The following LRMDA variants were observed in gnomAD, a reference collection of about 807,000 sequenced individuals.
LRMDA encodes leucine-rich melanocyte differentiation-associated protein.
A neutral mutation model predicts 29.8 loss-of-function variants in LRMDA; 18 were observed. That is an observed-to-expected ratio of 0.60 (90% CI 0.42 to 0.90). The LOEUF (loss-of-function observed/expected upper bound fraction) is 0.90. Among genes scored for constraint, LRMDA ranks in the 40% least tolerant of loss-of-function variants. LRMDA has a pLI of 0.00. For synonymous variants in LRMDA, 125 were observed against 109.4 expected (o/e 1.14, Z -0.89); for missense variants, 273 against 273.9 (o/e 1.00, Z 0.02).
At chr10:76,254,281 T>TTACTA (rs756599704) in intron 5 of LRMDA, among the ~76,000 whole-genome samples, 1,340 of 115,554 alleles carry the variant, frequency 0.012, 38 homozygotes, top group African/African-American at 0.039. Context: ...TCTGTGGAAA[T>TTACTA]TACTATACTA....
chr10:76,192,561 T>C (rs1589370485), intron 5 of LRMDA, among the ~76,000 whole-genome samples: 1 of 152,320 alleles, frequency 6.6e-6, no homozygotes, highest in East Asian at 1.9e-4. Flanking sequence ...CCTGAATATC[T>C]CAGAAAATGA....
intron 6 of LRMDA, among the ~76,000 whole-genome samples, chr10:76,361,731 T>C (rs1425770164): frequency 2.6e-5 from 4 of 152,148 alleles, no homozygotes; most frequent in Non-Finnish European, 5.9e-5. Context: ...ATGAGGGAGA[T>C]GAAGAGATAT....
chr10:75,644,521 C>T (rs1362396110), intron 2 of LRMDA, among the ~76,000 whole-genome samples: 2 of 152,174 alleles, frequency 1.3e-5, no homozygotes, highest in African/African-American at 2.4e-5. Context: ...TCTTTGCCAG[C>T]ATGGTGTACC....
intron 4 of LRMDA, among the ~76,000 whole-genome samples, chr10:76,052,384 T>A (rs1252970595): frequency 6.6e-6 from 1 of 152,148 alleles, no homozygotes; most frequent in Admixed American, 6.5e-5. Context: ...TGGAGGCCCA[T>A]CTGAGCTTTT....
At chr10:75,998,852 G>T (rs1847515798) in intron 2 of LRMDA, among the ~76,000 whole-genome samples, 1 of 152,192 alleles carries the variant, frequency 6.6e-6, no homozygotes, top group African/African-American at 2.4e-5. Context: ...ATGTATTGCA[G>T]AGCAGGCATG....
rs1388047072 is a variant in LRMDA, at chr10:76,558,750, C to T, written c.*1462C>T. ...GCTGCCCAAGGAGAACCTACTTTCT[C>T]AGCTCTAGCCCGTTTACATAGCCTC... On this transcript the variant is annotated 3_prime_UTR_variant, in exon 7 of 7. Coordinates refer to ENST00000611255, the MANE Select transcript of LRMDA (RefSeq NM_001305581.2). 6.6e-6 allele frequency: 1 copy of T among 152,196 alleles called. No individual in the cohort carries two copies. Among genetic ancestry groups the T allele is most frequent in the Admixed American group, 6.5e-5 (1 of 15,284 alleles). The allele number at this position is 152,196 out of a possible 1,614,324, so 9.4% of individuals were successfully genotyped here. A position where few individuals can be genotyped will look rare whatever the true frequency, so the allele number is the denominator to read the frequency against.
intron 2 of LRMDA, among the ~76,000 whole-genome samples, chr10:75,481,597 C>A (rs1413270781): frequency 1.3e-5 from 2 of 152,214 alleles, no homozygotes; most frequent in African/African-American, 4.8e-5. Context: ...GCAGTAACCT[C>A]TTAAGAGGTC....
At chr10:76,359,459 T>A (rs1841283211) in intron 6 of LRMDA, among the ~76,000 whole-genome samples, 1 of 152,136 alleles carries the variant, frequency 6.6e-6, no homozygotes, top group Admixed American at 6.6e-5. Context: ...AGCTAGTTGG[T>A]AGAGTGGATA....
chr10:75,648,321 C>T (rs1330161753), intron 2 of LRMDA, among the ~76,000 whole-genome samples: 1 of 151,940 alleles, frequency 6.6e-6, no homozygotes, highest in Non-Finnish European at 1.5e-5. Flanking sequence ...GCCACACTGC[C>T]TCTTGCTAGC....
At chr10:75,851,824 T>C (rs1844737425) in intron 2 of LRMDA, among the ~76,000 whole-genome samples, 1 of 152,240 alleles carries the variant, frequency 6.6e-6, no homozygotes, top group African/African-American at 2.4e-5. Context: ...GAAAGGCCCT[T>C]CACTTAGAAA....
intron 2 of LRMDA, among the ~76,000 whole-genome samples, chr10:75,975,179 G>T (rs1257715938): frequency 1.3e-5 from 2 of 152,232 alleles, no homozygotes; most frequent in Non-Finnish European, 2.9e-5. Flanking sequence ...TAGACACTGA[G>T]GACTGGAGAA....
chr10:76,275,637 T>C (rs1053575707), intron 5 of LRMDA, among the ~76,000 whole-genome samples: 1 of 152,156 alleles, frequency 6.6e-6, no homozygotes, highest in Non-Finnish European at 1.5e-5. Flanking sequence ...TTCTGAACCA[T>C]ATTGCTTTGG....
At chr10:76,230,687 AAT>A (rs1852043202) in intron 5 of LRMDA, among the ~76,000 whole-genome samples, 1 of 152,124 alleles carries the variant, frequency 6.6e-6, no homozygotes, top group African/African-American at 2.4e-5. Context: ...CAATACTTTT[AAT>A]ATAATTAAAA....
rs1410830869 is a variant in LRMDA at position 76,557,331 on chromosome 10, T to G, written c.*43T>G. 1.4e-6 allele frequency: 2 copies of G among 1,468,186 alleles called. No homozygotes were observed. The highest frequency in any genetic ancestry group is 1.9e-6 in the Non-Finnish European group (2 of 1,053,588). The allele number at this position is 1,468,186 out of a possible 1,614,324, so 90.9% of individuals were successfully genotyped here. On this transcript the variant is annotated 3_prime_UTR_variant, in exon 7 of 7. Coordinates refer to ENST00000611255, the MANE Select transcript of LRMDA (RefSeq NM_001305581.2). ...CTTCACCCATTTCATGAAAATAAAA[T>G]CAAAAGGGAAATCAAAAATAAAGAA...
At chr10:75,902,971 C>G (rs1272477386) in intron 2 of LRMDA, among the ~76,000 whole-genome samples, 1 of 152,136 alleles carries the variant, frequency 6.6e-6, no homozygotes, top group South Asian at 2.1e-4. Context: ...GAGAGTCTGG[C>G]AGGGGGCATC....
At chr10:75,435,448 T>C (rs758285519) in intron 1 of LRMDA, among the ~76,000 whole-genome samples, 11 of 152,228 alleles carry the variant, frequency 7.2e-5, no homozygotes, top group Non-Finnish European at 1.6e-4. Flanking sequence ...TTAAGCCTTT[T>C]CCAGCTGATT....
Position 75,641,952 on chromosome 10 carries a change from A to T in LRMDA, c.131+203458A>T, listed in dbSNP as rs113242225. 1.1e-3 allele frequency among the ~76,000 whole-genome samples: 170 copies of T among 152,324 alleles called. 6 individuals are homozygous for T. The South Asian group carries it at 0.03, about 27-fold the overall frequency. ...TTAATTTTGGATCTGGAAATAAGTT[A>T]TGATAAATGTGCAGAGAAAGTGTAT... On this transcript the variant is annotated intron_variant, in intron 2 of 6. Transcript: ENST00000611255.
chr10:76,209,516 G>T (rs1851598307), intron 5 of LRMDA, among the ~76,000 whole-genome samples: 1 of 152,206 alleles, frequency 6.6e-6, no homozygotes, highest in South Asian at 2.1e-4. Context: ...TCCTGTGAGG[G>T]ACTGGATGTT....
intron 6 of LRMDA, among the ~76,000 whole-genome samples, chr10:76,390,753 C>T (rs1174869152): frequency 6.6e-6 from 1 of 152,096 alleles, no homozygotes; most frequent in African/African-American, 2.4e-5. Flanking sequence ...GGACTCTGCT[C>T]CAGCTCAGTA....
Sources: gnomAD v4.1 joint callset for allele counts (sites outside exome capture counted in the v4.1 genomes callset) on GRCh38, gnomAD v4.1.1 for gene constraint, MANE v1.5 for transcripts, NCBI Gene and HGNC (gene_info 2026-07-23, HGNC 2026-07-21) for gene names.